Variants in RYR3 observed in about 807,000 individuals in gnomAD.
RYR3 encodes the protein brain ryanodine receptor-calcium release channel.
RYR3 carries 207 observed loss-of-function variants against 584.3 expected under a neutral mutation model. The observed-to-expected ratio is 0.35, with a 90% CI of 0.32 to 0.40. The LOEUF is 0.40. Ranked by LOEUF, RYR3 falls within the 10% of genes least tolerant of loss-of-function variation. The pLI is 1.00. For missense variants in RYR3, 5,616 were observed against 6,089.2 expected (o/e 0.92, Z 2.59); for synonymous variants, 2,416 against 2,248.5 (o/e 1.07, Z -2.11).
intron 58 of RYR3, among the ~76,000 whole-genome samples, chr15:33,755,485 G>T (rs2071727878): frequency 6.6e-6 from 1 of 152,142 alleles, no homozygotes; most frequent in African/African-American, 2.4e-5. Context: ...AGCTGAGTGT[G>T]GTGGTGCACG....
At chr15:33,839,048 A>G in intron 89 of RYR3, 90 bp downstream of exon 89, 1 of 1,453,634 alleles carries the variant, frequency 6.9e-7, no homozygotes. Flanking sequence ...CCATTTCCCT[A>G]GGAGCCAACA....
intron 65 of RYR3, among the ~76,000 whole-genome samples, chr15:33,783,807 C>T (rs1002755793): frequency 1.3e-4 from 20 of 152,184 alleles, no homozygotes; most frequent in Admixed American, 2.0e-4. Flanking sequence ...CTCCCATGAT[C>T]TTGTTACCCA....
chr15:33,496,259 C>T (rs1225581276), intron 2 of RYR3, among the ~76,000 whole-genome samples: 2 of 152,210 alleles, frequency 1.3e-5, no homozygotes, highest in African/African-American at 2.4e-5. Context: ...AGCCAGGCCA[C>T]TGGGGACCGA....
At chr15:33,579,584 A>C (rs17817299) in intron 12 of RYR3, among the ~76,000 whole-genome samples, 7 of 152,180 alleles carry the variant, frequency 4.6e-5, no homozygotes, top group African/African-American at 1.7e-4. Context: ...TCTGCTATAG[A>C]TAGAAGAGTC....
chr15:33,483,956 C>T (rs2596172), intron 2 of RYR3, among the ~76,000 whole-genome samples: 67,133 of 151,520 alleles, frequency 0.44, 15,616 homozygotes, highest in Non-Finnish European at 0.52. Context: ...ATGTTTATAG[C>T]ACCTGATTGA....
At chr15:33,773,992 A>T (rs2073817770) in intron 64 of RYR3, among the ~76,000 whole-genome samples, 1 of 152,220 alleles carries the variant, frequency 6.6e-6, no homozygotes, top group African/African-American at 2.4e-5. Flanking sequence ...GACATGAGGC[A>T]GTTGCTTTAG....
At chr15:33,374,541 A>T (rs2141125772) in intron 1 of RYR3, among the ~76,000 whole-genome samples, 1 of 152,298 alleles carries the variant, frequency 6.6e-6, no homozygotes, top group Middle Eastern at 3.4e-3. Context: ...AGTGAAAAAT[A>T]TCCAGAGCTT....
chr15:33,555,406 G>A (rs1435098), intron 10 of RYR3, among the ~76,000 whole-genome samples: 130,367 of 152,206 alleles, frequency 0.86, 56,345 homozygotes, highest in Middle Eastern at 0.97. Context: ...TCAAATGCCT[G>A]AAGACAACAT....
intron 85 of RYR3, 36 bp downstream of exon 85, chr15:33,827,323 C>T (rs1249963550): frequency 6.6e-7 from 1 of 1,525,504 alleles, no homozygotes; most frequent in Non-Finnish European, 8.9e-7. Context: ...GGACCTCTCA[C>T]CTTTGCTTCC....
At chr15:33,369,340 G>A (rs1183773365) in intron 1 of RYR3, among the ~76,000 whole-genome samples, 1 of 152,114 alleles carries the variant, frequency 6.6e-6, no homozygotes, top group Non-Finnish European at 1.5e-5. Context: ...AATGCCATTG[G>A]CACTCCTCCA....
intron 1 of RYR3, among the ~76,000 whole-genome samples, chr15:33,402,318 G>A (rs988122790): frequency 6.6e-6 from 1 of 152,110 alleles, no homozygotes; most frequent in African/African-American, 2.4e-5. Flanking sequence ...AGATGAAGAA[G>A]AGCCATGAAT....
intron 59 of RYR3, among the ~76,000 whole-genome samples, chr15:33,756,790 G>A (rs981925208): frequency 6.6e-6 from 1 of 152,074 alleles, no homozygotes; most frequent in Non-Finnish European, 1.5e-5. Context: ...GGTCAATAAG[G>A]TGAGAGATGA....
intron 40 of RYR3, 24 bp from the exon 41 acceptor site, chr15:33,699,680 G>T: frequency 1.2e-6 from 2 of 1,608,106 alleles, no homozygotes; most frequent in South Asian, 1.1e-5. Flanking sequence ...TCTTTTGTCT[G>T]ACACTTTCTA....
chr15:33,388,486 G>T (rs2041779059), intron 1 of RYR3, among the ~76,000 whole-genome samples: 1 of 152,200 alleles, frequency 6.6e-6, no homozygotes, highest in Non-Finnish European at 1.5e-5. Context: ...GTAGGGATTA[G>T]TGAGGAAAAG....
In RYR3 at chr15:33,826,731, C is replaced by T. The variant is rs768027051; in HGVS notation, c.11224C>T (p.Leu3742Phe). The change falls in exon 84 of 104, where the codon CTT (leucine) becomes TTT (phenylalanine). Residue 3742 changes from leucine (L) to phenylalanine (F), a missense_variant. Around this residue, in one of 9 missense-constraint regions of RYR3, gnomAD observed 954 missense variants for 1,132.2 expected, o/e 0.84. Transcript: ENST00000634891. Reference protein sequence around the residue: ...TRDLFRFLQLLCEGHNSDFQN... With the variant: ...TRDLFRFLQLFCEGHNSDFQN... The stretch of plus-strand genomic sequence containing the variant: ...TGATCTCTTTAGATTCCTACAGTTA[C>T]TTTGTGAGGGACATAACAGTGGTGA... 6.2e-7 allele frequency: 1 copy of T among 1,613,078 alleles called. No homozygotes were observed. The highest frequency in any genetic ancestry group is 2.2e-5 in the East Asian group (1 of 44,878).
chr15:33,807,923 G>A (rs1215707424), intron 70 of RYR3: 1 of 285,864 alleles, frequency 3.5e-6, no homozygotes, highest in Admixed American at 4.7e-5. Flanking sequence ...TGCTACCCAG[G>A]GTCAGAGTCC....
chr15:33,318,504 T>G (rs1317648604), intron 1 of RYR3, among the ~76,000 whole-genome samples: 1 of 152,162 alleles, frequency 6.6e-6, no homozygotes, highest in Non-Finnish European at 1.5e-5. Flanking sequence ...GGAATTGGGT[T>G]GGAGAAAGGT....
intron 1 of RYR3, among the ~76,000 whole-genome samples, chr15:33,450,087 T>TA (rs10647466): frequency 0.014 from 934 of 67,200 alleles, 69 homozygotes; most frequent in East Asian, 0.034. Context: ...CATTAATACC[T>TA]AAAAAAAAAA....
rs1346419680 is a variant in RYR3 at position 33,859,861 on chromosome 15, A to AT, written c.14299+133dup. ...TTACTTGTTAATTTAGCAAGAACTA[A>AT]TTTAGCATCTACTATACCTGAGGCT... On this transcript the variant is annotated intron_variant, in intron 100 of 103. Transcript: ENST00000634891. 1.3e-5 allele frequency: 13 copies of AT among 1,012,598 alleles called. No homozygotes were observed. The Admixed American group carries it at 3.2e-4, about 25-fold the overall frequency. The allele number at this position is 1,012,598 out of a possible 1,614,324, so 62.7% of individuals were successfully genotyped here.
Sources: gnomAD v4.1 joint callset for allele counts (sites outside exome capture counted in the v4.1 genomes callset) on GRCh38, gnomAD v4.1.1 for gene constraint, gnomAD v4.1.1 regional missense constraint, MANE v1.5 for transcripts, NCBI Gene and HGNC (gene_info 2026-07-23, HGNC 2026-07-21) for gene names.